Variants in TUSC3 observed in about 807,000 individuals in gnomAD.
TUSC3 encodes the protein dolichyl-diphosphooligosaccharide--protein glycosyltransferase subunit TUSC3.
TUSC3 carries 45 observed loss-of-function variants against 44.8 expected under a neutral mutation model. That is an observed-to-expected ratio of 1.00 (90% CI 0.79 to 1.29). TUSC3 has a LOEUF of 1.29. TUSC3 is among the 50% of genes most tolerant of loss of function. TUSC3 has a pLI of 0.00. For missense variants in TUSC3, 519 were observed against 437.9 expected (o/e 1.19, Z -1.65); for synonymous variants, 212 against 152.9 (o/e 1.39, Z -2.85).
At chr8:15,774,418 G>C in the TUSC3 span, among the ~76,000 whole-genome samples, 3 of 152,102 alleles carry the variant, frequency 2.0e-5, no homozygotes, top group Non-Finnish European at 2.9e-5. Context: ...GATACAGGGA[G>C]AAAACCATAT....
At chr8:15,584,317 C>T (rs964546140) in intron 1 of TUSC3, among the ~76,000 whole-genome samples, 5 of 152,126 alleles carry the variant, frequency 3.3e-5, no homozygotes, top group African/African-American at 4.8e-5. Context: ...GTTGTTTCTT[C>T]CCCCGCTTTT....
At chr8:15,485,708 C>A (rs571817483) in intron 2 of TUSC3, among the ~76,000 whole-genome samples, 1 of 152,110 alleles carries the variant, frequency 6.6e-6, no homozygotes, top group Non-Finnish European at 1.5e-5. Flanking sequence ...AAGAAGAGAG[C>A]AGACCAAGGA....
intron 2 of TUSC3, among the ~76,000 whole-genome samples, chr8:15,642,006 A>C (rs1263842108): frequency 6.6e-6 from 1 of 152,232 alleles, no homozygotes; most frequent in Non-Finnish European, 1.5e-5. Flanking sequence ...CATTATATAC[A>C]TTAATCGTGT....
At chr8:15,451,360 T>C (rs1306283487) in intron 1 of TUSC3, among the ~76,000 whole-genome samples, 1 of 151,974 alleles carries the variant, frequency 6.6e-6, no homozygotes, top group Non-Finnish European at 1.5e-5. Flanking sequence ...ACCAAGCAAT[T>C]AGAGAGTTGG....
the TUSC3 span, among the ~76,000 whole-genome samples, chr8:15,778,529 A>G: frequency 6.6e-6 from 1 of 152,112 alleles, no homozygotes; most frequent in East Asian, 1.9e-4. Flanking sequence ...ATTTATCATC[A>G]CCATGCGAAC....
intron 6 of TUSC3, among the ~76,000 whole-genome samples, chr8:15,713,052 G>A (rs1415049038): frequency 6.6e-6 from 1 of 152,114 alleles, no homozygotes; most frequent in Non-Finnish European, 1.5e-5. Flanking sequence ...GATGGCAACA[G>A]TAAATATTTT....
chr8:15,446,504 T>C (rs1800104521), intron 1 of TUSC3, among the ~76,000 whole-genome samples: 1 of 151,922 alleles, frequency 6.6e-6, no homozygotes, highest in Admixed American at 6.5e-5. Context: ...GGCGGGCAGA[T>C]CACTCATGGT....
chr8:15,675,882 T>C lies in TUSC3; in HGVS notation c.798+2046T>C, dbSNP rs141765098. ...TCCATATCTTTGGTATTGAGAATAA[T>C]GCTGCAATGAACATACAAGTGTATG... On this transcript the variant is annotated intron_variant, in intron 6 of 10. Coordinates refer to ENST00000503731, the MANE Select transcript of TUSC3 (RefSeq NM_006765.4). 2.7e-4 allele frequency among the ~76,000 whole-genome samples: 41 copies of C among 152,304 alleles called. 1 individual carries two copies. The highest frequency in any genetic ancestry group is 8.7e-4 in the African/African-American group (36 of 41,570).
At chr8:15,845,681 A>C in the TUSC3 span, among the ~76,000 whole-genome samples, 1 of 152,174 alleles carries the variant, frequency 6.6e-6, no homozygotes, top group Non-Finnish European at 1.5e-5. Flanking sequence ...GGCAGTATTC[A>C]GTATTTTGTT....
At chr8:15,683,654 G>C (rs542313034) in intron 6 of TUSC3, among the ~76,000 whole-genome samples, 3 of 152,192 alleles carry the variant, frequency 2.0e-5, no homozygotes, top group African/African-American at 7.2e-5. Flanking sequence ...TTTCATCCTG[G>C]TTAGGATCGA....
rs74336956 is a variant in TUSC3 at position 15,676,000 on chromosome 8, A to G, written c.798+2164A>G. Among the ~76,000 whole-genome samples, 739 of 152,210 alleles carry G rather than the reference A, an allele frequency of 4.9e-3. 16 individuals are homozygous for G. The East Asian group carries it at 0.071, about 15-fold the overall frequency. On this transcript the variant is annotated intron_variant, in intron 6 of 10. Transcript: ENST00000503731. The stretch of plus-strand genomic sequence containing the variant: ...GTAGTTCTATCTTAAGTTCTTTGAG[A>G]CATCTCCATGTTGTTTTCCATTATA...
rs1563270785 is a variant in TUSC3, at chr8:15,512,800, A to AATC, written n.189+29318_189+29319insTCA. On this transcript the variant is annotated intron_variant and non_coding_transcript_variant, in intron 2 of 5. Coordinates refer to the TUSC3 transcript ENST00000503191. ...TCAACCAATCAATCAATCAATCAAT[A>AATC]AATCCCATTCTGTCTTGGGGTGTGT... Among the ~76,000 whole-genome samples the AATC allele has an allele frequency of 6.7e-3, 574 of 85,956 alleles. 8 individuals carry two copies. The highest frequency in any genetic ancestry group is 0.021 in the African/African-American group (510 of 24,826). 56.4% of individuals were successfully genotyped at this position (85,956 alleles called of 152,430 possible). A position where few individuals can be genotyped will look rare whatever the true frequency, so the allele number is the denominator to read the frequency against.
At chr8:15,822,441 G>A in the TUSC3 span, among the ~76,000 whole-genome samples, 1 of 152,154 alleles carries the variant, frequency 6.6e-6, no homozygotes, top group Non-Finnish European at 1.5e-5. Flanking sequence ...TGCAGTGTTT[G>A]TTAAAACTGA....
chr8:15,649,208 A>T (rs1352838056), intron 2 of TUSC3, among the ~76,000 whole-genome samples: 3 of 152,084 alleles, frequency 2.0e-5, no homozygotes, highest in Admixed American at 6.6e-5. Context: ...CCTCAAATAC[A>T]TGTTTTTTTT....
At chr8:15,824,141 G>C in the TUSC3 span, among the ~76,000 whole-genome samples, 1 of 152,144 alleles carries the variant, frequency 6.6e-6, no homozygotes, top group African/African-American at 2.4e-5. Context: ...ATTCACGGCA[G>C]AACTAAACTG....
chr8:15,789,149 C>G, the TUSC3 span, among the ~76,000 whole-genome samples: 466 of 152,260 alleles, frequency 3.1e-3, 3 homozygotes, highest in African/African-American at 0.01. Flanking sequence ...TAGGTAAAAA[C>G]CTTTCTGTTT....
At chr8:15,596,475 G>T (rs1048101676) in intron 1 of TUSC3, among the ~76,000 whole-genome samples, 2 of 152,020 alleles carry the variant, frequency 1.3e-5, no homozygotes, top group African/African-American at 4.8e-5. Flanking sequence ...TGCATGTTCC[G>T]CAAGACCAAC....
the TUSC3 span, among the ~76,000 whole-genome samples, chr8:15,800,034 C>G: frequency 1.3e-5 from 2 of 152,118 alleles, no homozygotes; most frequent in Non-Finnish European, 2.9e-5. Flanking sequence ...TTATAACGGG[C>G]AGCAAGCATG....
chr8:15,642,510 G>T (rs1456335796), intron 2 of TUSC3, among the ~76,000 whole-genome samples: 1 of 151,912 alleles, frequency 6.6e-6, no homozygotes, highest in East Asian at 1.9e-4. Context: ...CCATCTCTTG[G>T]GACACAGTTT....
Sources: allele counts gnomAD v4.1 joint callset (sites outside exome capture counted in the v4.1 genomes callset), GRCh38; gene constraint gnomAD v4.1.1; transcripts MANE v1.5; gene names NCBI Gene and HGNC (gene_info 2026-07-23, HGNC 2026-07-21).